RALGPS2: variants seen among roughly 807,000 people sequenced by gnomAD.
The protein encoded by RALGPS2 is ras-specific guanine nucleotide-releasing factor RalGPS2.
Under a neutral mutation model 86.8 loss-of-function variants are expected in RALGPS2, and 43 were observed. That is an observed-to-expected ratio of 0.50 (90% CI 0.39 to 0.64). The LOEUF is 0.64. Ranked by LOEUF, RALGPS2 falls within the 30% of genes least tolerant of loss-of-function variation. The pLI is 0.00. For missense variants in RALGPS2, 536 were observed against 694.6 expected (o/e 0.77, Z 2.57); for synonymous variants, 243 against 231.3 (o/e 1.05, Z -0.46).
intron 4 of RALGPS2, among the ~76,000 whole-genome samples, chr1:178,788,796 TTTTC>T (rs961616614): frequency 3.2e-4 from 48 of 150,780 alleles, no homozygotes; most frequent in African/African-American, 4.9e-4. Context: ...TCTTCTCTTC[TTTTC>T]TTTCTTTCTT....
At chr1:178,732,143 A>G (rs1019679596) in intron 1 of RALGPS2, among the ~76,000 whole-genome samples, 1 of 150,732 alleles carries the variant, frequency 6.6e-6, no homozygotes, top group Admixed American at 6.6e-5. Context: ...AAGAATGGGA[A>G]TATGTATTAG....
intron 8 of RALGPS2, among the ~76,000 whole-genome samples, chr1:178,870,027 T>C (rs999324819): frequency 6.6e-5 from 10 of 152,176 alleles, no homozygotes; most frequent in African/African-American, 2.4e-4. Context: ...ACTTACATAA[T>C]GCTTTTGTGT....
chr1:178,776,842 G>C (rs1250577689), intron 2 of RALGPS2, 21 bp downstream of exon 2: 1 of 1,602,788 alleles, frequency 6.2e-7, no homozygotes, highest in African/African-American at 1.3e-5. Context: ...TAAGAAGCTT[G>C]GGTGTAAAGT....
At chr1:178,836,181 T>G (rs959760592) in intron 8 of RALGPS2, among the ~76,000 whole-genome samples, 7 of 152,318 alleles carry the variant, frequency 4.6e-5, no homozygotes, top group Non-Finnish European at 8.8e-5. Context: ...AGTTGGAGTT[T>G]AGTAGAATCA....
chr1:178,736,991 G>A (rs1042836453), intron 1 of RALGPS2, among the ~76,000 whole-genome samples: 1 of 152,194 alleles, frequency 6.6e-6, no homozygotes, highest in African/African-American at 2.4e-5. Context: ...TCACATTAAT[G>A]TGTAAGAAGT....
chr1:178,894,092 A>C, intron 16 of RALGPS2, 68 bp downstream of exon 16: 1 of 919,862 alleles, frequency 1.1e-6, no homozygotes, highest in South Asian at 1.6e-5. Flanking sequence ...ACTCTGTAAA[A>C]GTACTAAAAC....
At position 178,893,926 on chromosome 1, in the gene RALGPS2, G is replaced by C; in HGVS notation, c.1333G>C (p.Glu445Gln). The C allele has an allele frequency of 6.3e-7, 1 of 1,597,298 alleles. No homozygotes were observed. The highest frequency in any genetic ancestry group is 1.1e-5 in the South Asian group (1 of 90,174). The part of the protein sequence containing the change: ...RSHMKASSSA[E>Q]SEDLAVHLYP... The stretch of plus-strand genomic sequence containing the variant: ...TTTTCTTCGTTATTATAGTTCTGCA[G>C]AATCAGAAGATTTGGCAGTACATTT... The change falls in exon 16 of 20, where the codon GAA becomes CAA. Residue 445 changes from glutamate (E) to glutamine (Q), a missense_variant. This residue lies in a region of RALGPS2 where 309 missense variants were observed against 363.0 expected (regional missense o/e 0.85). Coordinates refer to ENST00000367635, the MANE Select transcript of RALGPS2 (RefSeq NM_152663.5).
intron 2 of RALGPS2, among the ~76,000 whole-genome samples, chr1:178,777,472 G>T (rs1331454913): frequency 6.6e-6 from 1 of 151,620 alleles, no homozygotes; most frequent in Non-Finnish European, 1.5e-5. Flanking sequence ...ACTGCCCAAG[G>T]TAATTTACAG....
In RALGPS2 at chr1:178,918,079, T is replaced by C. The variant is rs1660870640; in HGVS notation, c.*1720T>C. The stretch of plus-strand genomic sequence containing the variant: ...TTAAGTTTTTTAATTTAGTATTCTG[T>C]TTGGAAAAGATGTTAAGAGTTCAAA... On this transcript the variant is annotated 3_prime_UTR_variant, in exon 20 of 20. Coordinates refer to ENST00000367635, the MANE Select transcript of RALGPS2 (RefSeq NM_152663.5). The C allele has an allele frequency of 6.6e-6, 1 of 152,174 alleles. No homozygotes were observed. Among genetic ancestry groups the C allele is most frequent in the Admixed American group, 6.5e-5 (1 of 15,274 alleles). The allele number at this position is 152,174 out of a possible 1,614,324, so 9.4% of individuals were successfully genotyped here. A position where few individuals can be genotyped will look rare whatever the true frequency, so the allele number is the denominator to read the frequency against.
chr1:178,865,801 G>A (rs918375801), intron 8 of RALGPS2: 1 of 1,520,158 alleles, frequency 6.6e-7, no homozygotes. Flanking sequence ...GTAAAATGAT[G>A]TCTTTTGAAA....
At chr1:178,898,805 C>G (rs1660049453) in intron 17 of RALGPS2, among the ~76,000 whole-genome samples, 1 of 151,882 alleles carries the variant, frequency 6.6e-6, no homozygotes, top group Non-Finnish European at 1.5e-5. Flanking sequence ...AGTGAAGGAT[C>G]ATGGAGATTT....
chr1:178,796,736 C>A (rs1409739095), intron 4 of RALGPS2, among the ~76,000 whole-genome samples: 1 of 152,154 alleles, frequency 6.6e-6, no homozygotes, highest in Non-Finnish European at 1.5e-5. Context: ...TAAGGAAGCT[C>A]TGACTTCTGT....
intron 2 of RALGPS2, among the ~76,000 whole-genome samples, chr1:178,780,275 C>T (rs1410733454): frequency 1.3e-5 from 2 of 152,084 alleles, no homozygotes; most frequent in Non-Finnish European, 2.9e-5. Context: ...AGAGCCTGTC[C>T]ACTGTGCTTT....
chr1:178,860,495 G>T (rs1365044825), intron 8 of RALGPS2, among the ~76,000 whole-genome samples: 1 of 151,856 alleles, frequency 6.6e-6, no homozygotes, highest in Non-Finnish European at 1.5e-5. Context: ...CAGTTTATTG[G>T]CATTAAGAAC....
intron 8 of RALGPS2, among the ~76,000 whole-genome samples, chr1:178,862,593 T>TTTTA (rs57690079): frequency 0.14 from 19,149 of 140,482 alleles, 1,552 homozygotes; most frequent in East Asian, 0.34. Context: ...GTTGCATTTT[T>TTTTA]TTTATTTATT....
chr1:178,841,116 T>C (rs989217251), intron 8 of RALGPS2, among the ~76,000 whole-genome samples: 7 of 151,922 alleles, frequency 4.6e-5, no homozygotes, highest in African/African-American at 1.7e-4. Flanking sequence ...TTCCAATCAA[T>C]AGAAAAAGAG....
At chr1:178,814,646 C>T (rs1655142500) in intron 6 of RALGPS2, among the ~76,000 whole-genome samples, 1 of 152,156 alleles carries the variant, frequency 6.6e-6, no homozygotes, top group Admixed American at 6.5e-5. Flanking sequence ...GACAAGGTCT[C>T]ATTATGTTGC....
rs534542080 is a variant in RALGPS2, at chr1:178,733,082, A to G, written c.-84+7663A>G. Among the ~76,000 whole-genome samples the G allele has an allele frequency of 9.2e-5, 14 of 152,274 alleles. No individual in the cohort carries two copies. The South Asian group carries it at 2.7e-3, about 29-fold the overall frequency. ...TCAGAAATAATTCTGTAACGTAGGG[A>G]TTCTTTGTTCCTTGAAGGAACTATA... is the stretch of plus-strand genomic sequence containing the variant. On this transcript the variant is annotated intron_variant, in intron 1 of 19. Transcript: ENST00000367635.
Position 178,885,959 on chromosome 1 carries a change from C to G in RALGPS2, c.1041-10C>G. The G allele has an allele frequency of 2.6e-6, 4 of 1,556,044 alleles. No homozygotes were observed. Among genetic ancestry groups the G allele is most frequent in the Non-Finnish European group, 3.5e-6 (4 of 1,154,806 alleles). On this transcript the variant is annotated splice_polypyrimidine_tract_variant and intron_variant, in intron 12 of 19. Transcript: ENST00000367635. Reference sequence around the variant, plus strand: ...TAATAAAAGATATGAACTTTTTTTTCTGTTTCTAGTTTCATTCATAAAATG... The same window carrying G: ...TAATAAAAGATATGAACTTTTTTTTGTGTTTCTAGTTTCATTCATAAAATG...
Sources: gnomAD v4.1 joint callset for allele counts (sites outside exome capture counted in the v4.1 genomes callset) on GRCh38, gnomAD v4.1.1 for gene constraint, gnomAD v4.1.1 regional missense constraint, MANE v1.5 for transcripts, NCBI Gene and HGNC (gene_info 2026-07-23, HGNC 2026-07-21) for gene names.